H2AC6: variants seen among roughly 807,000 people sequenced by gnomAD.
The protein encoded by H2AC6 is H2A clustered histone 6, also known as histone H2A type 1-C.
Under a neutral mutation model 6.8 loss-of-function variants are expected in H2AC6, and 5 were observed. The ratio of observed to expected loss-of-function variants is 0.73; its 90% CI spans 0.38 to 1.54. H2AC6 has a LOEUF of 1.54. H2AC6 is among the 40% of genes most tolerant of loss of function. The probability of loss-of-function intolerance (pLI) is 0.03; values close to 1 mark genes in which losing one functional copy is unlikely to be tolerated. For missense variants in H2AC6, 154 were observed against 180.7 expected (o/e 0.85, Z 0.85); for synonymous variants, 146 against 79.2 (o/e 1.84, Z -4.48).
Position 26,124,454 on chromosome 6 carries a change from C to T in H2AC6, c.222C>T (p.Asn74=), listed in dbSNP as rs758788372. The T allele has an allele frequency of 3.7e-6, 6 of 1,614,082 alleles. No homozygotes were observed. In the Admixed American group the frequency reaches 6.7e-5, roughly 18 times the overall value. The stretch of plus-strand genomic sequence containing the variant: ...TGGCCGGCAACGCGGCTCGCGACAA[C>T]AAGAAGACTCGCATCATCCCGCGCC... ...LELAGNAARD[N]KKTRIIPRHL... Residue 74 remains asparagine (N), a synonymous_variant, in exon 1 of 1, where the codon AAC becomes AAT. Coordinates refer to ENST00000377791, the MANE Select transcript of H2AC6 (RefSeq NM_003512.4).
Position 26,124,205 on chromosome 6 carries a change from T to A in H2AC6, c.-28T>A, listed in dbSNP as rs1763578216. The A allele has an allele frequency of 6.5e-7, 1 of 1,550,072 alleles. No homozygotes were observed. Among genetic ancestry groups the A allele is most frequent in the Non-Finnish European group, 8.7e-7 (1 of 1,150,280 alleles). ...TTGTTTTCTCGTGAGCTTAGGCCGC[T>A]GGTTTTGGTGATTTTTGTCTGATTG... is the stretch of plus-strand genomic sequence containing the variant. On this transcript the variant is annotated 5_prime_UTR_variant, in exon 1 of 1. Transcript: ENST00000377791.
In H2AC6 at chr6:26,124,203, G is replaced by T. The variant is rs1415033898; in HGVS notation, c.-30G>T. The T allele has an allele frequency of 9.7e-6, 15 of 1,549,288 alleles. No individual in the cohort carries two copies. The highest frequency in any genetic ancestry group is 2.8e-5 in the African/African-American group (2 of 72,572). On this transcript the variant is annotated 5_prime_UTR_variant, in exon 1 of 1. Coordinates refer to ENST00000377791, the MANE Select transcript of H2AC6 (RefSeq NM_003512.4). ...GTTTGTTTTCTCGTGAGCTTAGGCC[G>T]CTGGTTTTGGTGATTTTTGTCTGAT...
chr6:26,124,280 A>T lies in H2AC6; in HGVS notation c.48A>T (p.Lys16Asn). ...KQGGKARAKAKSRSSRAGLQF... is the reference protein window; with the variant it reads ...KQGGKARAKANSRSSRAGLQF... The stretch of plus-strand genomic sequence containing the variant: ...GAGGCAAAGCTCGCGCCAAAGCGAA[A>T]TCCCGCTCTTCTCGCGCTGGTCTCC... The change falls in exon 1 of 1, where the codon AAA becomes AAT. Residue 16 changes from lysine (K) to asparagine (N), a missense_variant. Around this residue, in one of 2 missense-constraint regions of H2AC6, gnomAD observed 111 missense variants for 91.9 expected, o/e 1.21. Coordinates refer to ENST00000377791, the MANE Select transcript of H2AC6 (RefSeq NM_003512.4). 1.2e-6 allele frequency: 2 copies of T among 1,610,580 alleles called. No individual in the cohort carries two copies. The highest frequency in any genetic ancestry group is 1.1e-5 in the South Asian group (1 of 90,794).
chr6:26,124,423 T>G lies in H2AC6; in HGVS notation c.191T>G (p.Leu64Arg). The G allele has an allele frequency of 6.2e-7, 1 of 1,614,130 alleles. No homozygotes were observed. Among genetic ancestry groups the G allele is most frequent in the Non-Finnish European group, 8.5e-7 (1 of 1,180,008 alleles). ...TTAGAGTACCTGACCGCCGAGATCC[T>G]GGAGCTGGCCGGCAACGCGGCTCGC... is the stretch of plus-strand genomic sequence containing the variant. Reference protein sequence around the residue: ...AVLEYLTAEILELAGNAARDN... With the variant: ...AVLEYLTAEIRELAGNAARDN... Residue 64 changes from leucine to arginine, a missense_variant, in exon 1 of 1, where the codon CTG (leucine) becomes CGG (arginine). Physicochemically the swap from Leu to Arg is moderately radical, Grantham distance 102 (BLOSUM62 -2). This residue lies in a region of H2AC6 where 111 missense variants were observed against 91.9 expected (regional missense o/e 1.21). Coordinates refer to ENST00000377791, the MANE Select transcript of H2AC6 (RefSeq NM_003512.4).
rs745917397 is a variant in H2AC6 at position 26,124,296 on chromosome 6, G to C, written c.64G>C (p.Ala22Pro). The C allele has an allele frequency of 1.2e-6, 2 of 1,612,744 alleles. No homozygotes were observed. Among genetic ancestry groups the C allele is most frequent in the Non-Finnish European group, 8.5e-7 (1 of 1,179,206 alleles). Residue 22 changes from alanine to proline, a missense_variant, in exon 1 of 1, where the codon GCT becomes CCT. Physicochemically the swap from Ala to Pro is conservative, Grantham distance 27. Transcript: ENST00000377791. ...RAKAKSRSSR[A>P]GLQFPVGRVH... The stretch of plus-strand genomic sequence containing the variant: ...CAAAGCGAAATCCCGCTCTTCTCGC[G>C]CTGGTCTCCAGTTCCCGGTGGGCCG...
rs751306315 is a variant in H2AC6 at position 26,124,361 on chromosome 6, G to T, written c.129G>T (p.Arg43=). 6.2e-7 allele frequency: 1 copy of T among 1,614,144 alleles called. No individual in the cohort carries two copies. Among genetic ancestry groups the T allele is most frequent in the Admixed American group, 1.7e-5 (1 of 60,018 alleles). Reference sequence around the variant, plus strand: ...TCCGTAAAGGCAACTACGCAGAGCGGGTTGGGGCAGGCGCGCCGGTGTACC... The same window carrying T: ...TCCGTAAAGGCAACTACGCAGAGCGTGTTGGGGCAGGCGCGCCGGTGTACC... ...RLLRKGNYAE[R]VGAGAPVYLA... is the part of the protein sequence containing the mutation. Residue 43 remains arginine, a synonymous_variant, in exon 1 of 1, where the codon CGG becomes CGT. Coordinates refer to ENST00000377791, the MANE Select transcript of H2AC6 (RefSeq NM_003512.4).
In H2AC6 at chr6:26,124,491, G is replaced by A. The variant is rs2113801589; in HGVS notation, c.259G>A (p.Ala87Thr). 1 of 1,614,176 alleles carries A rather than the reference G, an allele frequency of 6.2e-7. No individual in the cohort carries two copies. The highest frequency in any genetic ancestry group is 8.5e-7 in the Non-Finnish European group (1 of 1,180,030). ...CATCATCCCGCGCCACTTGCAGCTGGCCATCCGCAACGACGAGGAGCTCAA... is the reference window on the plus strand; with the variant it reads ...CATCATCCCGCGCCACTTGCAGCTGACCATCCGCAACGACGAGGAGCTCAA... ...TRIIPRHLQL[A>T]IRNDEELNKL... The change falls in exon 1 of 1, where the codon GCC (alanine) becomes ACC (threonine). Residue 87 changes from alanine to threonine, a missense_variant. Ala to Thr is a moderately conservative substitution (Grantham distance 58). Transcript: ENST00000377791.
In H2AC6 at chr6:26,124,206, G is replaced by A. The variant is rs374772065; in HGVS notation, c.-27G>A. 5 of 1,551,554 alleles carry A rather than the reference G, an allele frequency of 3.2e-6. No individual in the cohort carries two copies. Among genetic ancestry groups the A allele is most frequent in the Non-Finnish European group, 4.3e-6 (5 of 1,151,034 alleles). On this transcript the variant is annotated 5_prime_UTR_variant, in exon 1 of 1. Coordinates refer to ENST00000377791, the MANE Select transcript of H2AC6 (RefSeq NM_003512.4). ...TGTTTTCTCGTGAGCTTAGGCCGCT[G>A]GTTTTGGTGATTTTTGTCTGATTGC...
In H2AC6 at chr6:26,124,616, G is replaced by A. The variant is rs565091058; in HGVS notation, c.384G>A (p.Lys128=). The change falls in exon 1 of 1, where the codon AAG becomes AAA. Residue 128 remains lysine, a synonymous_variant. Coordinates refer to ENST00000377791, the MANE Select transcript of H2AC6 (RefSeq NM_003512.4). ...PKKTESHHKA[K]GK ...AGACCGAGAGTCACCACAAGGCCAA[G>A]GGCAAGTGATTTGACAGGTATCTGA... 1.9e-6 allele frequency: 3 copies of A among 1,612,980 alleles called. No individual in the cohort carries two copies. The highest frequency in any genetic ancestry group is 4.5e-5 in the East Asian group (2 of 44,858).
In H2AC6 at chr6:26,124,291, C is replaced by T. The variant is rs1243644116; in HGVS notation, c.59C>T (p.Ser20Phe). 29 of 1,612,242 alleles carry T rather than the reference C, an allele frequency of 1.8e-5. No homozygotes were observed. Among genetic ancestry groups the T allele is most frequent in the Non-Finnish European group, 2.2e-5 (26 of 1,179,018 alleles). ...CGCGCCAAAGCGAAATCCCGCTCTT[C>T]TCGCGCTGGTCTCCAGTTCCCGGTG... is the stretch of plus-strand genomic sequence containing the variant. ...KARAKAKSRS[S>F]RAGLQFPVGR... The change falls in exon 1 of 1, where the codon TCT (serine) becomes TTT (phenylalanine). Residue 20 changes from serine (S) to phenylalanine (F), a missense_variant. Around this residue, in one of 2 missense-constraint regions of H2AC6, gnomAD observed 111 missense variants for 91.9 expected, o/e 1.21. Transcript: ENST00000377791.
rs1028878566 is a variant in H2AC6, at chr6:26,124,381, T to G, written c.149T>G (p.Val50Gly). The G allele has an allele frequency of 6.2e-7, 1 of 1,613,932 alleles. No individual in the cohort carries two copies. The highest frequency in any genetic ancestry group is 1.3e-5 in the African/African-American group (1 of 74,912). Residue 50 changes from valine to glycine, a missense_variant, in exon 1 of 1, where the codon GTG (valine) becomes GGG (glycine). By Grantham distance (109) the Val-to-Gly change is moderately radical (BLOSUM62 -3). Around this residue, in one of 2 missense-constraint regions of H2AC6, gnomAD observed 111 missense variants for 91.9 expected, o/e 1.21. Coordinates refer to ENST00000377791, the MANE Select transcript of H2AC6 (RefSeq NM_003512.4). ...YAERVGAGAP[V>G]YLAAVLEYLT... ...GAGCGGGTTGGGGCAGGCGCGCCGG[T>G]GTACCTGGCGGCGGTGTTAGAGTAC... is the stretch of plus-strand genomic sequence containing the variant.
Position 26,124,216 on chromosome 6 carries a change from A to G in H2AC6, c.-17A>G, listed in dbSNP as rs777951056. On this transcript the variant is annotated 5_prime_UTR_variant, in exon 1 of 1. Coordinates refer to ENST00000377791, the MANE Select transcript of H2AC6 (RefSeq NM_003512.4). ...TGAGCTTAGGCCGCTGGTTTTGGTG[A>G]TTTTTGTCTGATTGCAATGTCTGGA... 21 of 1,556,768 alleles carry G rather than the reference A, an allele frequency of 1.3e-5. No individual in the cohort carries two copies. The highest frequency in any genetic ancestry group is 6.9e-5 in the African/African-American group (5 of 72,504).
rs749851469 is a variant in H2AC6, at chr6:26,124,304, C to G, written c.72C>G (p.Leu24=). The change falls in exon 1 of 1, where the codon CTC becomes CTG. Residue 24 remains leucine (L), a synonymous_variant. Transcript: ENST00000377791. ...KAKSRSSRAG[L]QFPVGRVHRL... ...AATCCCGCTCTTCTCGCGCTGGTCTCCAGTTCCCGGTGGGCCGAGTGCACC... is the reference window on the plus strand; with the variant it reads ...AATCCCGCTCTTCTCGCGCTGGTCTGCAGTTCCCGGTGGGCCGAGTGCACC... The G allele has an allele frequency of 5.6e-6, 9 of 1,613,474 alleles. No individual in the cohort carries two copies. Among genetic ancestry groups the G allele is most frequent in the South Asian group, 1.1e-5 (1 of 91,040 alleles).
rs1280216044 is a variant in H2AC6, at chr6:26,124,410, A to G, written c.178A>G (p.Thr60Ala). The G allele has an allele frequency of 6.2e-7, 1 of 1,613,922 alleles. No homozygotes were observed. Among genetic ancestry groups the G allele is most frequent in the African/African-American group, 1.3e-5 (1 of 74,870 alleles). The change falls in exon 1 of 1, where the codon ACC (threonine) becomes GCC (alanine). Residue 60 changes from threonine to alanine, a missense_variant. Physicochemically the swap from Thr to Ala is moderately conservative, Grantham distance 58. Around this residue, in one of 2 missense-constraint regions of H2AC6, gnomAD observed 111 missense variants for 91.9 expected, o/e 1.21. Transcript: ENST00000377791. ...CCTGGCGGCGGTGTTAGAGTACCTG[A>G]CCGCCGAGATCCTGGAGCTGGCCGG... ...VYLAAVLEYL[T>A]AEILELAGNA...
rs1213088251 is a variant in H2AC6 at position 26,124,188 on chromosome 6, T to C, written c.-45T>C. ...ATATTTCTTGATTTTGTTTGTTTTC[T>C]CGTGAGCTTAGGCCGCTGGTTTTGG... is the stretch of plus-strand genomic sequence containing the variant. On this transcript the variant is annotated 5_prime_UTR_variant, in exon 1 of 1. Coordinates refer to ENST00000377791, the MANE Select transcript of H2AC6 (RefSeq NM_003512.4). The C allele has an allele frequency of 5.9e-6, 9 of 1,531,268 alleles. No individual in the cohort carries two copies. Among genetic ancestry groups the C allele is most frequent in the Non-Finnish European group, 7.9e-6 (9 of 1,142,682 alleles). 94.9% of individuals were successfully genotyped at this position (1,531,268 alleles called of 1,614,324 possible).
Position 26,124,682 on chromosome 6 carries a change from G to C in H2AC6, c.*57G>C. Reference sequence around the variant, plus strand: ...ATCAAACCCAAAGGCTCTTTTCAGAGCCCCCCTACCGTTTCAAAGGAAGAG... The same window carrying C: ...ATCAAACCCAAAGGCTCTTTTCAGACCCCCCCTACCGTTTCAAAGGAAGAG... On this transcript the variant is annotated 3_prime_UTR_variant, in exon 1 of 1. Transcript: ENST00000377791. 1.9e-6 allele frequency: 3 copies of C among 1,570,770 alleles called. No individual in the cohort carries two copies. Among genetic ancestry groups the C allele is most frequent in the East Asian group, 2.2e-5 (1 of 44,470 alleles).
In H2AC6 at chr6:26,124,613, C is replaced by G. The variant is rs35276045; in HGVS notation, c.381C>G (p.Ala127=). 6.2e-7 allele frequency: 1 copy of G among 1,613,362 alleles called. No homozygotes were observed. The highest frequency in any genetic ancestry group is 1.3e-5 in the African/African-American group (1 of 75,016). ...LPKKTESHHK[A]KGK is the part of the protein sequence containing the mutation. ...AGAAGACCGAGAGTCACCACAAGGC[C>G]AAGGGCAAGTGATTTGACAGGTATC... Residue 127 remains alanine (A), a synonymous_variant, in exon 1 of 1, where the codon GCC becomes GCG. Coordinates refer to ENST00000377791, the MANE Select transcript of H2AC6 (RefSeq NM_003512.4).
Position 26,124,594 on chromosome 6 carries a change from C to T in H2AC6, c.362C>T (p.Thr121Ile). Residue 121 changes from threonine (T) to isoleucine (I), a missense_variant, in exon 1 of 1, where the codon ACC becomes ATC. Coordinates refer to ENST00000377791, the MANE Select transcript of H2AC6 (RefSeq NM_003512.4). ...NIQAVLLPKKTESHHKAKGK is the reference protein window; with the variant it reads ...NIQAVLLPKKIESHHKAKGK Reference sequence around the variant, plus strand: ...CAGGCCGTGCTTCTGCCTAAGAAGACCGAGAGTCACCACAAGGCCAAGGGC... The same window carrying T: ...CAGGCCGTGCTTCTGCCTAAGAAGATCGAGAGTCACCACAAGGCCAAGGGC... 6.2e-7 allele frequency: 1 copy of T among 1,614,084 alleles called. No individual in the cohort carries two copies. Among genetic ancestry groups the T allele is most frequent in the Non-Finnish European group, 8.5e-7 (1 of 1,179,942 alleles).
Position 26,124,263 on chromosome 6 carries a change from G to T in H2AC6, c.31G>T (p.Ala11Ser), listed in dbSNP as rs765793757. 5 of 1,605,346 alleles carry T rather than the reference G, an allele frequency of 3.1e-6. No individual in the cohort carries two copies. The highest frequency in any genetic ancestry group is 3.4e-5 in the Admixed American group (2 of 59,228). The change falls in exon 1 of 1, where the codon GCT (alanine) becomes TCT (serine). Residue 11 changes from alanine (A) to serine (S), a missense_variant. Transcript: ENST00000377791. Reference protein sequence around the residue: MSGRGKQGGKARAKAKSRSSR... With the variant: MSGRGKQGGKSRAKAKSRSSR... The stretch of plus-strand genomic sequence containing the variant: ...TGGACGTGGTAAGCAAGGAGGCAAA[G>T]CTCGCGCCAAAGCGAAATCCCGCTC...
Sources: gnomAD v4.1 joint callset for allele counts on GRCh38, gnomAD v4.1.1 for gene constraint, gnomAD v4.1.1 regional missense constraint, MANE v1.5 for transcripts, NCBI Gene and HGNC (gene_info 2026-07-23, HGNC 2026-07-21) for gene names.